CMC2: variants seen among roughly 807,000 people sequenced by gnomAD.
The protein encoded by CMC2 is C-X9-C motif containing 2, also known as COX assembly mitochondrial protein 2 homolog.
In CMC2, 5 loss-of-function variants were observed where a neutral mutation model predicts 7.5. That is an observed-to-expected ratio of 0.66 (90% confidence interval 0.35 to 1.40). The LOEUF is 1.40. Ranked by LOEUF, CMC2 falls within the 40% of genes most tolerant of loss-of-function variation. CMC2 has a pLI of 0.04. For synonymous variants in CMC2, 37 were observed against 31.4 expected (o/e 1.18, Z -0.60); for missense variants, 115 against 92.3 (o/e 1.25, Z -1.01).
chr16:80,978,426 G>C (rs919460099), intron 3 of CMC2: 189 of 1,238,598 alleles, frequency 1.5e-4, no homozygotes, highest in Non-Finnish European at 1.9e-4. Context: ...CTGAATAAAA[G>C]GGGAGAAAAG....
Position 80,976,058 on chromosome 16 carries a change from C to T in CMC2, c.*35G>A. ...AGGTATCAACCCAGAGTCTTTAGGTCTTCTCTCAGCCAAGGCATCGAGTGA... is the reference window on the plus strand; with the variant it reads ...AGGTATCAACCCAGAGTCTTTAGGTTTTCTCTCAGCCAAGGCATCGAGTGA... On this transcript the variant is annotated 3_prime_UTR_variant, in exon 4 of 4. Coordinates refer to ENST00000219400, the MANE Select transcript of CMC2 (RefSeq NM_020188.5). 8.1e-7 allele frequency: 1 copy of T among 1,229,876 alleles called. No homozygotes were observed. The allele number at this position is 1,229,876 out of a possible 1,614,324, so 76.2% of individuals were successfully genotyped here.
chr16:80,971,561 ATTT>A lies in CMC2; in HGVS notation c.*4529_*4531del, dbSNP rs1016959235. 9 of 86,004 alleles carry A rather than the reference ATTT, an allele frequency of 1.0e-4. No individual in the cohort carries two copies. The highest frequency in any genetic ancestry group is 6.4e-4 in the African/African-American group (9 of 14,092). 5.3% of individuals were successfully genotyped at this position (86,004 alleles called of 1,614,324 possible). On this transcript the variant is annotated 3_prime_UTR_variant, in exon 4 of 4. Coordinates refer to ENST00000219400, the MANE Select transcript of CMC2 (RefSeq NM_020188.5). The stretch of plus-strand genomic sequence containing the variant: ...TGGCTATGGATACTGACATACATAC[ATTT>A]TATATATATATATATATATATGTAT...
chr16:80,994,279 T>G (rs1968233686), intron 2 of CMC2, among the ~76,000 whole-genome samples: 1 of 151,714 alleles, frequency 6.6e-6, no homozygotes, highest in Admixed American at 6.6e-5. Flanking sequence ...AATGTAAAGC[T>G]AATACGATAG....
rs1443675238 is a variant in CMC2, at chr16:80,966,787, T to A, written c.*9306A>T. The A allele has an allele frequency of 1.3e-5, 2 of 152,192 alleles. No individual in the cohort carries two copies. The highest frequency in any genetic ancestry group is 6.5e-5 in the Admixed American group (1 of 15,278). 9.4% of individuals were successfully genotyped at this position (152,192 alleles called of 1,614,324 possible). ...TCAGCTTGTTTTCAAGTTTTAGGAA[T>A]TTCTTCTTTTCTTTATATAATCACC... On this transcript the variant is annotated 3_prime_UTR_variant, in exon 4 of 4. Transcript: ENST00000219400.
At position 80,981,815 on chromosome 16, in the gene CMC2, C is replaced by T. The variant is rs764681967; in HGVS notation, c.144G>A (p.Leu48=). Residue 48 remains leucine, a synonymous_variant, in exon 3 of 4, where the codon CTG becomes CTA. Transcript: ENST00000219400. ...TTGACACTTTTCTTACCTCATTCTT[C>T]AGGCATTTTCTCAACTCCCGATCAA... ...NDVDRELRKC[L]KNEYVENRTK... is the part of the protein sequence containing the mutation. 2 of 1,604,926 alleles carry T rather than the reference C, an allele frequency of 1.2e-6. No homozygotes were observed. Among genetic ancestry groups the T allele is most frequent in the Non-Finnish European group, 1.7e-6 (2 of 1,172,990 alleles).
At chr16:80,977,702 C>T (rs924013641) in intron 3 of CMC2, among the ~76,000 whole-genome samples, 1 of 152,136 alleles carries the variant, frequency 6.6e-6, no homozygotes, top group African/African-American at 2.4e-5. Flanking sequence ...TTTTCTAGGT[C>T]AAAAGTTTTG....
chr16:80,985,901 CAAA>C lies in CMC2; in HGVS notation c.82-4027_82-4025del, dbSNP rs57915291. 4.2e-4 allele frequency among the ~76,000 whole-genome samples: 44 copies of C among 104,992 alleles called. No homozygotes were observed. In the Admixed American group the frequency reaches 4.7e-3, roughly 11 times the overall value. The allele number at this position is 104,992 out of a possible 152,430, so 68.9% of individuals were successfully genotyped here. A position where few individuals can be genotyped will look rare whatever the true frequency, so the allele number is the denominator to read the frequency against. On this transcript the variant is annotated intron_variant, in intron 2 of 3. Coordinates refer to ENST00000219400, the MANE Select transcript of CMC2 (RefSeq NM_020188.5). Reference sequence around the variant, plus strand: ...GAAATATCATTCTCCCATATACCTGCAAAAAAAAAAAAAAAAACCACAGGAATG... The same window carrying C: ...GAAATATCATTCTCCCATATACCTGCAAAAAAAAAAAAAACCACAGGAATG...
At chr16:80,981,766 C>A in intron 3 of CMC2, 40 bp downstream of exon 3, 2 of 1,307,842 alleles carry the variant, frequency 1.5e-6, no homozygotes, top group African/African-American at 1.5e-5. Flanking sequence ...ATGTTCTGTT[C>A]TATTGTTCAA....
rs1911719063 is a variant in CMC2 at position 80,968,718 on chromosome 16, A to G, written c.*7375T>C. ...ATACTAGATAGCATATATCAAATAT[A>G]GTTTTTAAAGGTGTAGTTGAGCTCA... On this transcript the variant is annotated 3_prime_UTR_variant, in exon 4 of 4. Transcript: ENST00000219400. 6.6e-6 allele frequency: 1 copy of G among 152,236 alleles called. No individual in the cohort carries two copies. The highest frequency in any genetic ancestry group is 2.4e-5 in the African/African-American group (1 of 41,470). The allele number at this position is 152,236 out of a possible 1,614,324, so 9.4% of individuals were successfully genotyped here. A position where few individuals can be genotyped will look rare whatever the true frequency, so the allele number is the denominator to read the frequency against.
intron 2 of CMC2, chr16:80,982,990 C>G (rs993483207): frequency 5.3e-6 from 1 of 187,942 alleles, no homozygotes; most frequent in African/African-American, 2.4e-5. Context: ...AGATTGAGGT[C>G]TGCAGCTGTG....
intron 1 of CMC2, 57 bp downstream of exon 1, chr16:81,006,677 G>A: frequency 2.0e-6 from 2 of 980,408 alleles, no homozygotes; most frequent in Middle Eastern, 5.2e-4. Context: ...GCGCCATCAG[G>A]GACCTGAGGA....
chr16:80,985,291 C>G (rs915751826), intron 2 of CMC2, among the ~76,000 whole-genome samples: 2 of 152,140 alleles, frequency 1.3e-5, no homozygotes, highest in Non-Finnish European at 2.9e-5. Flanking sequence ...CATCCTCCCA[C>G]AAGGGTATAG....
At chr16:80,989,449 T>C (rs148244857) in intron 2 of CMC2, among the ~76,000 whole-genome samples, 38 of 152,310 alleles carry the variant, frequency 2.5e-4, no homozygotes, top group African/African-American at 8.2e-4. Context: ...GGGAATCCCT[T>C]CAAGCTAGCC....
chr16:81,005,776 G>GA (rs1460385501), intron 1 of CMC2, among the ~76,000 whole-genome samples: 1 of 152,186 alleles, frequency 6.6e-6, no homozygotes, highest in East Asian at 1.9e-4. Context: ...ACATTACCAG[G>GA]ACTTACAAGG....
chr16:80,979,955 T>C (rs1273083506), intron 3 of CMC2, among the ~76,000 whole-genome samples: 3 of 151,962 alleles, frequency 2.0e-5, no homozygotes, highest in African/African-American at 7.3e-5. Context: ...TCTCACTCTG[T>C]CACCCAGACT....
chr16:81,006,867 T>G lies in CMC2; in HGVS notation c.-169A>C. ...GAAACCCAGTGACGCCCTCCACCGC[T>G]CCACCGTGCTCCCGGCTCCTCGCCC... On this transcript the variant is annotated 5_prime_UTR_variant, in exon 1 of 4. Coordinates refer to ENST00000219400, the MANE Select transcript of CMC2 (RefSeq NM_020188.5). 2.0e-6 allele frequency: 2 copies of G among 985,908 alleles called. No individual in the cohort carries two copies. Among genetic ancestry groups the G allele is most frequent in the African/African-American group, 3.5e-5 (2 of 57,324 alleles). 61.1% of individuals were successfully genotyped at this position (985,908 alleles called of 1,614,324 possible).
At chr16:80,980,954 A>G (rs896879702) in intron 3 of CMC2, 18 of 563,444 alleles carry the variant, frequency 3.2e-5, no homozygotes, top group Non-Finnish European at 4.8e-5. Flanking sequence ...TTCTTCAAAC[A>G]GTAAAGGTGA....
intron 2 of CMC2, among the ~76,000 whole-genome samples, chr16:80,985,551 C>T (rs575106386): frequency 3.9e-4 from 60 of 152,064 alleles, no homozygotes; most frequent in African/African-American, 1.1e-3. Flanking sequence ...CATTTCTCAG[C>T]CTTCATTTCT....
chr16:80,990,093 T>C (rs1179337976), intron 2 of CMC2, among the ~76,000 whole-genome samples: 2 of 106,084 alleles, frequency 1.9e-5, no homozygotes, highest in African/African-American at 5.5e-5. Flanking sequence ...TCATCCTTTT[T>C]TTCATTCCCT....
Sources: allele counts gnomAD v4.1 joint callset (sites outside exome capture counted in the v4.1 genomes callset), GRCh38; gene constraint gnomAD v4.1.1; transcripts MANE v1.5; gene names NCBI Gene and HGNC (gene_info 2026-07-23, HGNC 2026-07-21).